DHRS4L2: variants seen among roughly 807,000 people sequenced by gnomAD.
DHRS4L2 encodes dehydrogenase/reductase SDR family member 4-like 2.
DHRS4L2 carries 22 observed loss-of-function variants against 23.9 expected under a neutral mutation model. That is an observed-to-expected ratio of 0.92 (90% CI 0.66 to 1.31). The LOEUF is 1.31. Ranked by LOEUF, DHRS4L2 falls within the 40% of genes most tolerant of loss-of-function variation. The pLI is 0.00. For missense variants in DHRS4L2, 385 were observed against 303.3 expected (o/e 1.27, Z -2.00); for synonymous variants, 141 against 123.7 (o/e 1.14, Z -0.93).
chr14:23,977,647 C>A (rs1190774953), intron 1 of DHRS4L2, among the ~76,000 whole-genome samples: 1 of 151,726 alleles, frequency 6.6e-6, no homozygotes, highest in Non-Finnish European at 1.5e-5. Context: ...GTGGTTATAA[C>A]TTCTGTTCTC....
Position 23,995,101 on chromosome 14 carries a change from C to T in DHRS4L2, c.376C>T (p.Leu126=). ...NAAVNPFFGS[L]MDVTEEVWDK... ...TGCTGTCAACCCTTTCTTTGGAAGC[C>T]TAATGGATGTCACCGAGGAGGTGTG... Residue 126 remains leucine (L), a synonymous_variant, in exon 3 of 8, where the codon CTA becomes TTA. Coordinates refer to ENST00000335125, the MANE Select transcript of DHRS4L2 (RefSeq NM_198083.4). 6.3e-7 allele frequency: 1 copy of T among 1,598,360 alleles called. No individual in the cohort carries two copies.
chr14:23,984,690 C>A (rs866462028), upstream of DHRS4L2, among the ~76,000 whole-genome samples: 1 of 150,228 alleles, frequency 6.7e-6, no homozygotes, highest in Non-Finnish European at 1.5e-5. Flanking sequence ...TACTGTAGTC[C>A]CAGCTACTCG....
upstream of DHRS4L2, among the ~76,000 whole-genome samples, chr14:23,987,028 G>A (rs903686850): frequency 4.0e-5 from 6 of 151,848 alleles, no homozygotes; most frequent in South Asian, 2.1e-4. Flanking sequence ...AAAGCAGAGT[G>A]CTGCAGCTGT....
At chr14:23,993,110 T>A (rs547300983) in intron 2 of DHRS4L2, among the ~76,000 whole-genome samples, 1 of 150,500 alleles carries the variant, frequency 6.6e-6, no homozygotes, top group African/African-American at 2.4e-5. Flanking sequence ...CAGGTGATTC[T>A]AGAGCAATCC....
intron 2 of DHRS4L2, among the ~76,000 whole-genome samples, chr14:23,991,483 C>G (rs2034268284): frequency 6.6e-6 from 1 of 151,864 alleles, no homozygotes; most frequent in South Asian, 2.1e-4. Flanking sequence ...ACCTGTGCCC[C>G]CCACCAGGTT....
In DHRS4L2 at chr14:24,003,903, T is replaced by C. The variant is rs576381636; in HGVS notation, c.666-434T>C. On this transcript the variant is annotated intron_variant, in intron 6 of 7. Coordinates refer to ENST00000335125, the MANE Select transcript of DHRS4L2 (RefSeq NM_198083.4). ...TTTGGGCTGAGACGATGGGGTTTTC[T>C]AGATAAACAATCATGTCGTCTGCAA... Among the ~76,000 whole-genome samples the C allele has an allele frequency of 1.7e-3, 134 of 78,190 alleles. 38 individuals carry two copies. Among genetic ancestry groups the C allele is most frequent in the African/African-American group, 2.3e-3 (13 of 5,536 alleles). 51.3% of individuals were successfully genotyped at this position (78,190 alleles called of 152,430 possible).
intron 2 of DHRS4L2, among the ~76,000 whole-genome samples, chr14:23,993,234 C>T (rs538354208): frequency 6.6e-6 from 1 of 151,584 alleles, no homozygotes. Flanking sequence ...ACAGAGCCAA[C>T]CCAGGTGACT....
At chr14:23,983,330 G>T (rs1940258416) in intron 1 of DHRS4L2, among the ~76,000 whole-genome samples, 1 of 151,722 alleles carries the variant, frequency 6.6e-6, no homozygotes, top group African/African-American at 2.4e-5. Flanking sequence ...ACCACAATGA[G>T]ATACCATCCC....
At chr14:23,983,914 G>A (rs1285567588), upstream of DHRS4L2, among the ~76,000 whole-genome samples, 2 of 151,528 alleles carry the variant, frequency 1.3e-5, no homozygotes, top group African/African-American at 2.4e-5. Context: ...GATAGCATTA[G>A]GAGAAATACT....
intron 1 of DHRS4L2, among the ~76,000 whole-genome samples, chr14:23,971,077 C>G (rs753858816): frequency 6.6e-6 from 1 of 152,000 alleles, no homozygotes; most frequent in Non-Finnish European, 1.5e-5. Context: ...TTCCAGAAAC[C>G]AGAACGTCTC....
upstream of DHRS4L2, among the ~76,000 whole-genome samples, chr14:23,984,009 T>C (rs2034097464): frequency 6.6e-6 from 1 of 151,392 alleles, no homozygotes; most frequent in African/African-American, 2.4e-5. Context: ...TCTGCACATG[T>C]ATCTCAGAAC....
intron 6 of DHRS4L2, 45 bp from the exon 7 acceptor site, chr14:24,004,292 A>G (rs760375844): frequency 6.5e-6 from 10 of 1,535,636 alleles, no homozygotes; most frequent in Non-Finnish European, 8.7e-6. Context: ...AAAAAAAGAA[A>G]GGAAAAGAAA....
At chr14:23,995,306 GC>G (rs1369710247) in intron 3 of DHRS4L2, among the ~76,000 whole-genome samples, 173 bp downstream of exon 3, 2 of 151,702 alleles carry the variant, frequency 1.3e-5, no homozygotes, top group Admixed American at 6.6e-5. Context: ...CTCTTTCTCT[GC>G]CCTTCTCATT....
chr14:23,973,906 C>T (rs1442565318), intron 1 of DHRS4L2, among the ~76,000 whole-genome samples: 1 of 151,220 alleles, frequency 6.6e-6, no homozygotes, highest in Non-Finnish European at 1.5e-5. Context: ...GCCTAATACA[C>T]ATCTACAGAA....
chr14:23,993,934 G>A (rs1030468810), intron 2 of DHRS4L2, among the ~76,000 whole-genome samples: 6 of 151,540 alleles, frequency 4.0e-5, no homozygotes, highest in Admixed American at 2.0e-4. Flanking sequence ...TTCCACTACT[G>A]ACTAGCTTTG....
intron 1 of DHRS4L2, among the ~76,000 whole-genome samples, chr14:23,982,751 A>G (rs1478898064): frequency 6.6e-6 from 1 of 151,118 alleles, no homozygotes; most frequent in Non-Finnish European, 1.5e-5. Context: ...GGCTAGCCGT[A>G]GGCAGAAAAC....
At chr14:24,005,773 C>T in intron 7 of DHRS4L2, 113 bp from the exon 8 acceptor site, 1 of 1,544,430 alleles carries the variant, frequency 6.5e-7, no homozygotes, top group Non-Finnish European at 8.7e-7. Context: ...TACACTGATC[C>T]TGAAAAGTCA....
upstream of DHRS4L2, chr14:23,988,842 C>T (rs1230185615): frequency 8.2e-6 from 12 of 1,454,994 alleles, no homozygotes; most frequent in Non-Finnish European, 1.0e-5. Flanking sequence ...TGGCCGAGGG[C>T]GGGAAGGGGG....
rs71426825 is a variant in DHRS4L2 at position 23,999,344 on chromosome 14, TA to T, written c.409-1489del. On this transcript the variant is annotated intron_variant, in intron 3 of 7. Coordinates refer to ENST00000335125, the MANE Select transcript of DHRS4L2 (RefSeq NM_198083.4). ...AGGGTTGCCACGAAACTCCAATTTG[TA>T]AAAAAAAAAAAAAAAAAAAAAAAAA... Among the ~76,000 whole-genome samples the T allele has an allele frequency of 1.5e-3, 81 of 53,664 alleles. 1 individual carries two copies. The East Asian group carries it at 0.023, about 15-fold the overall frequency. 35.2% of individuals were successfully genotyped at this position (53,664 alleles called of 152,430 possible).
Sources: allele counts gnomAD v4.1 joint callset (sites outside exome capture counted in the v4.1 genomes callset), GRCh38; gene constraint gnomAD v4.1.1; transcripts MANE v1.5; gene names NCBI Gene and HGNC (gene_info 2026-07-23, HGNC 2026-07-21).